GALNT13: variants seen among roughly 807,000 people sequenced by gnomAD.
The protein encoded by GALNT13 is UDP-GalNAc:polypeptide N-acetylgalactosaminyltransferase 13.
A neutral mutation model predicts 64.2 loss-of-function variants in GALNT13; 28 were observed. The observed-to-expected ratio is 0.44, with a 90% CI of 0.32 to 0.60. The LOEUF (loss-of-function observed/expected upper bound fraction) is 0.60, where lower values mean the gene tolerates loss of function less well. Ranked by LOEUF, GALNT13 falls within the 20% of genes least tolerant of loss-of-function variation. The pLI is 0.05. For synonymous variants in GALNT13, 214 were observed against 224.6 expected (o/e 0.95, Z 0.42); for missense variants, 577 against 669.8 (o/e 0.86, Z 1.53).
chr2:153,314,255 A>G, the GALNT13 span, among the ~76,000 whole-genome samples: 1 of 152,166 alleles, frequency 6.6e-6, no homozygotes, highest in Non-Finnish European at 1.5e-5. Context: ...CAGGTTAAAA[A>G]TGAAGAAACA....
At chr2:153,740,613 T>C in the GALNT13 span, among the ~76,000 whole-genome samples, 1 of 152,160 alleles carries the variant, frequency 6.6e-6, no homozygotes, top group Admixed American at 6.6e-5. Flanking sequence ...GATTGTATCC[T>C]GCGCCTTATG....
chr2:154,011,267 G>T (rs1696620815), intron 3 of GALNT13, among the ~76,000 whole-genome samples: 1 of 151,226 alleles, frequency 6.6e-6, no homozygotes, highest in African/African-American at 2.4e-5. Context: ...TGAGATTCTG[G>T]TATGTTTTGT....
the GALNT13 span, among the ~76,000 whole-genome samples, chr2:153,457,905 T>C: frequency 6.6e-6 from 1 of 152,218 alleles, no homozygotes; most frequent in African/African-American, 2.4e-5. Flanking sequence ...TCATGTTCCA[T>C]ACCCTCCCCA....
chr2:154,149,852 A>G (rs1683870859), intron 4 of GALNT13, among the ~76,000 whole-genome samples: 1 of 152,206 alleles, frequency 6.6e-6, no homozygotes, highest in Non-Finnish European at 1.5e-5. Flanking sequence ...TTTTCTGGAT[A>G]TACAGTCATG....
chr2:153,370,349 C>A, the GALNT13 span, among the ~76,000 whole-genome samples: 1 of 152,036 alleles, frequency 6.6e-6, no homozygotes, highest in African/African-American at 2.4e-5. Flanking sequence ...AATATTAAAA[C>A]CATAAAAAGC....
At chr2:153,470,441 C>G in the GALNT13 span, among the ~76,000 whole-genome samples, 1 of 152,166 alleles carries the variant, frequency 6.6e-6, no homozygotes, top group African/African-American at 2.4e-5. Flanking sequence ...AAGATGCCAA[C>G]TGGGCCAGAG....
At chr2:153,274,281 G>A in the GALNT13 span, among the ~76,000 whole-genome samples, 1 of 152,178 alleles carries the variant, frequency 6.6e-6, no homozygotes, top group African/African-American at 2.4e-5. Flanking sequence ...AGGTGTTTAT[G>A]TCAGTCTGTA....
chr2:153,966,973 A>C (rs1330185957), intron 3 of GALNT13, among the ~76,000 whole-genome samples: 1 of 151,844 alleles, frequency 6.6e-6, no homozygotes, highest in Non-Finnish European at 1.5e-5. Flanking sequence ...CTTCAAGTTT[A>C]CTAATTCTTT....
At chr2:153,982,441 G>A (rs76904956) in intron 3 of GALNT13, among the ~76,000 whole-genome samples, 1 of 152,072 alleles carries the variant, frequency 6.6e-6, no homozygotes, top group Non-Finnish European at 1.5e-5. Context: ...GAATCTGTGA[G>A]TAAGTTGCTG....
the GALNT13 span, among the ~76,000 whole-genome samples, chr2:153,528,104 T>G: frequency 2.0e-5 from 3 of 151,810 alleles, no homozygotes; most frequent in South Asian, 6.2e-4. Context: ...GTAAATGGAC[T>G]AAACTTTCCA....
chr2:153,387,270 G>A, the GALNT13 span, among the ~76,000 whole-genome samples: 1 of 152,066 alleles, frequency 6.6e-6, no homozygotes, highest in Non-Finnish European at 1.5e-5. Context: ...TGTTATGCTT[G>A]TTCCATCATG....
the GALNT13 span, among the ~76,000 whole-genome samples, chr2:153,663,259 A>T: frequency 3.3e-5 from 5 of 152,226 alleles, no homozygotes; most frequent in Non-Finnish European, 7.3e-5. Flanking sequence ...AAGCAGATGT[A>T]TCCAGAAGCA....
chr2:153,691,683 A>G, the GALNT13 span, among the ~76,000 whole-genome samples: 2 of 152,156 alleles, frequency 1.3e-5, no homozygotes, highest in Non-Finnish European at 2.9e-5. Flanking sequence ...GAAAACCACA[A>G]TATGATCCCA....
intron 8 of GALNT13, among the ~76,000 whole-genome samples, chr2:154,282,916 T>C (rs985768975): frequency 6.6e-6 from 1 of 152,092 alleles, no homozygotes; most frequent in Non-Finnish European, 1.5e-5. Context: ...TAAAAATAGG[T>C]CAAGAGTCAA....
chr2:153,791,029 T>C, the GALNT13 span, among the ~76,000 whole-genome samples: 2 of 152,154 alleles, frequency 1.3e-5, no homozygotes, highest in Non-Finnish European at 2.9e-5. Context: ...GGGGATCTAA[T>C]TAAACCTAAT....
chr2:153,469,562 C>T, the GALNT13 span, among the ~76,000 whole-genome samples: 2 of 152,014 alleles, frequency 1.3e-5, no homozygotes, highest in Non-Finnish European at 2.9e-5. Flanking sequence ...AATTTCCATG[C>T]GCATGAGAAA....
At chr2:153,345,641 T>TTCTC in the GALNT13 span, among the ~76,000 whole-genome samples, 1 of 101,574 alleles carries the variant, frequency 9.8e-6, no homozygotes, top group Non-Finnish European at 2.0e-5. Context: ...TTCTTTTTCT[T>TTCTC]TCTTTCTTTC....
chr2:154,310,646 A>T (rs1693982837), intron 9 of GALNT13, among the ~76,000 whole-genome samples: 1 of 152,168 alleles, frequency 6.6e-6, no homozygotes, highest in Non-Finnish European at 1.5e-5. Context: ...ACTACAAAAA[A>T]GTTACAGAAA....
the GALNT13 span, among the ~76,000 whole-genome samples, chr2:153,633,026 G>T: frequency 6.6e-6 from 1 of 152,114 alleles, no homozygotes; most frequent in Non-Finnish European, 1.5e-5. Context: ...CTCCCAAAGT[G>T]CTGGGATTAC....
Sources: gnomAD v4.1 joint callset for allele counts (sites outside exome capture counted in the v4.1 genomes callset) on GRCh38, gnomAD v4.1.1 for gene constraint, MANE v1.5 for transcripts, NCBI Gene and HGNC (gene_info 2026-07-23, HGNC 2026-07-21) for gene names.